The following CSRP3 variants were observed in gnomAD, a reference collection of about 807,000 sequenced individuals.
The protein encoded by CSRP3 is cysteine and glycine-rich protein 3.
A neutral mutation model predicts 24.3 loss-of-function variants in CSRP3; 24 were observed. The ratio of observed to expected loss-of-function variants is 0.99; its 90% CI spans 0.71 to 1.39. CSRP3 has a LOEUF of 1.39. CSRP3 is among the 40% of genes most tolerant of loss of function. The pLI, the probability that CSRP3 is intolerant of heterozygous loss-of-function variation, is 0.00. For missense variants in CSRP3, 240 were observed against 249.0 expected, an observed-to-expected ratio of 0.96 and a Z score of 0.24; for synonymous variants, 105 against 94.0, an observed-to-expected ratio of 1.12 and a Z score of -0.68.
intron 2 of CSRP3, among the ~76,000 whole-genome samples, chr11:19,191,805 T>C (rs929559928): frequency 6.6e-6 from 1 of 152,188 alleles, no homozygotes. Context: ...ATTTCTTTCA[T>C]GCAGTTACTG....
chr11:19,201,047 G>A (rs1040653561), intron 1 of CSRP3, among the ~76,000 whole-genome samples: 6 of 152,084 alleles, frequency 3.9e-5, no homozygotes, highest in Admixed American at 1.3e-4. Flanking sequence ...AATTAGAGTC[G>A]GCAGCTTGGA....
rs747850845 is a variant in CSRP3 at position 19,197,501 on chromosome 11, CTCTTTCTTTCTTTCTTTCTTTCTTTCTT to C, written c.-29+4425_-29+4452del. On this transcript the variant is annotated intron_variant, in intron 1 of 5. Transcript: ENST00000265968. ...TCCATCTCTTTCTCTCCCTCTTTTC[CTCTTTCTTTCTTTCTTTCTTTCTTTCTT>C]TCTTTCTTTCTTTCTTTCTTTCTTT... Among the ~76,000 whole-genome samples the C allele has an allele frequency of 3.0e-3, 199 of 67,128 alleles. 1 individual carries two copies. Among genetic ancestry groups the C allele is most frequent in the Non-Finnish European group, 4.9e-3 (159 of 32,706 alleles). 44.0% of individuals were successfully genotyped at this position (67,128 alleles called of 152,430 possible).
At chr11:19,182,784 T>C in intron 5 of CSRP3, 38 bp from the exon 6 acceptor site, 1 of 1,428,410 alleles carries the variant, frequency 7.0e-7, no homozygotes, top group East Asian at 2.3e-5. Context: ...AGACAATGCA[T>C]TGGTTAGTGC....
chr11:19,194,391 C>G (rs1021132266), intron 1 of CSRP3, among the ~76,000 whole-genome samples: 1 of 152,094 alleles, frequency 6.6e-6, no homozygotes, highest in African/African-American at 2.4e-5. Flanking sequence ...AAAAAGGAAA[C>G]ATTGGGCTGG....
chr11:19,184,355 T>TCTCCA (rs989863185), intron 5 of CSRP3, among the ~76,000 whole-genome samples: 2 of 152,078 alleles, frequency 1.3e-5, no homozygotes, highest in African/African-American at 4.8e-5. Flanking sequence ...CTCTACTATT[T>TCTCCA]CTCCACAAGA....
intron 3 of CSRP3, among the ~76,000 whole-genome samples, chr11:19,187,121 A>C (rs1850539740): frequency 6.6e-6 from 1 of 152,194 alleles, no homozygotes; most frequent in African/African-American, 2.4e-5. Flanking sequence ...CATCACTAGG[A>C]AGCCCTAATG....
intron 3 of CSRP3, among the ~76,000 whole-genome samples, chr11:19,187,878 C>G (rs1039091952): frequency 1.3e-5 from 2 of 152,186 alleles, no homozygotes; most frequent in Non-Finnish European, 2.9e-5. Flanking sequence ...ATCTGTACAT[C>G]CTGGGTTTTC....
intron 2 of CSRP3, 151 bp from the exon 3 acceptor site, chr11:19,188,455 G>C: frequency 1.3e-6 from 1 of 759,486 alleles, no homozygotes; most frequent in Non-Finnish European, 2.2e-6. Flanking sequence ...TATCTGCCCT[G>C]AGTTGTGCAC....
intron 2 of CSRP3, among the ~76,000 whole-genome samples, chr11:19,191,213 C>T (rs1050268395): frequency 7.2e-5 from 11 of 152,204 alleles, no homozygotes; most frequent in African/African-American, 2.7e-4. Context: ...GACTCAAACC[C>T]GAATCCCTTT....
intron 1 of CSRP3, among the ~76,000 whole-genome samples, chr11:19,200,807 T>C (rs1173061867): frequency 6.6e-6 from 1 of 152,208 alleles, no homozygotes; most frequent in African/African-American, 2.4e-5. Flanking sequence ...TAATCCCAGA[T>C]GTAAACTGAG....
At chr11:19,197,529 T>TTCTTTCTC (rs1850753856) in intron 1 of CSRP3, among the ~76,000 whole-genome samples, 2 of 131,222 alleles carry the variant, frequency 1.5e-5, no homozygotes, top group Non-Finnish European at 3.2e-5. Context: ...CTTTCTTTCT[T>TTCTTTCTC]TCTTTCTTTC....
At chr11:19,194,644 C>T (rs1363025137) in intron 1 of CSRP3, among the ~76,000 whole-genome samples, 2 of 152,186 alleles carry the variant, frequency 1.3e-5, no homozygotes, top group Non-Finnish European at 2.9e-5. Flanking sequence ...GATCACACCA[C>T]TCTACTTCAG....
At chr11:19,193,518 A>T (rs1020311658) in intron 1 of CSRP3, among the ~76,000 whole-genome samples, 1 of 152,348 alleles carries the variant, frequency 6.6e-6, no homozygotes, top group African/African-American at 2.4e-5. Flanking sequence ...ATTTAAAAAA[A>T]TAATTGTCCT....
rs1420013924 is a variant in CSRP3, at chr11:19,197,549, TTCTTTCTTTCTTTC to T, written c.-29+4391_-29+4404del. Reference sequence around the variant, plus strand: ...TTTCTTTCTTTCTTTCTTTCTTTCTTTCTTTCTTTCTTTCTTTCTTTCTTTCTTCTTTCACTACC... The same window carrying T: ...TTTCTTTCTTTCTTTCTTTCTTTCTTTTTCTTTCTTTCTTCTTTCACTACC... On this transcript the variant is annotated intron_variant, in intron 1 of 5. Transcript: ENST00000265968. 1.7e-3 allele frequency among the ~76,000 whole-genome samples: 245 copies of T among 140,848 alleles called. 1 individual carries two copies. Among genetic ancestry groups the T allele is most frequent in the African/African-American group, 6.4e-3 (235 of 36,736 alleles). 92.4% of individuals were successfully genotyped at this position (140,848 alleles called of 152,430 possible).
At position 19,184,878 on chromosome 11, in the gene CSRP3, C is replaced by A; in HGVS notation, c.508+74G>T. 2.7e-6 allele frequency: 3 copies of A among 1,120,154 alleles called. No homozygotes were observed. In the South Asian group the frequency reaches 3.8e-5, roughly 14 times the overall value. The allele number at this position is 1,120,154 out of a possible 1,614,324, so 69.4% of individuals were successfully genotyped here. On this transcript the variant is annotated intron_variant, in intron 5 of 5. Coordinates refer to ENST00000265968, the MANE Select transcript of CSRP3 (RefSeq NM_003476.5). ...TGGAAGACACGGGAAGACCTCCAGG[C>A]ATGAACGTAATTTCCTCTCCCAAGG... is the stretch of plus-strand genomic sequence containing the variant.
At position 19,188,343 on chromosome 11, in the gene CSRP3, A is replaced by G. The variant is rs367850115; in HGVS notation, c.113-39T>C. Reference sequence around the variant, plus strand: ...GAAGGGTCATGGGATTGGAATTGAAATCCTTCTCCCCTTCTTTGCACTCCC... The same window carrying G: ...GAAGGGTCATGGGATTGGAATTGAAGTCCTTCTCCCCTTCTTTGCACTCCC... On this transcript the variant is annotated intron_variant, in intron 2 of 5. Transcript: ENST00000265968. 764 of 1,608,314 alleles carry G rather than the reference A, an allele frequency of 4.8e-4. 3 individuals are homozygous for G. The African/African-American group carries it at 8.9e-3, about 19-fold the overall frequency.
chr11:19,183,452 C>A (rs1565049686), intron 5 of CSRP3, among the ~76,000 whole-genome samples: 1 of 152,062 alleles, frequency 6.6e-6, no homozygotes, highest in Non-Finnish European at 1.5e-5. Flanking sequence ...TCCTGGAATG[C>A]CCCCTCCCAA....
At chr11:19,187,507 G>T (rs568061210) in intron 3 of CSRP3, among the ~76,000 whole-genome samples, 2 of 152,326 alleles carry the variant, frequency 1.3e-5, no homozygotes, top group East Asian at 3.9e-4. Flanking sequence ...GGTCAATGTG[G>T]TTATCAAGAA....
intron 1 of CSRP3, among the ~76,000 whole-genome samples, chr11:19,196,353 T>C (rs1435816399): frequency 2.0e-5 from 3 of 152,220 alleles, no homozygotes; most frequent in African/African-American, 7.2e-5. Flanking sequence ...AAAATGTTGA[T>C]AATAGTATCT....
Sources: allele counts gnomAD v4.1 joint callset (sites outside exome capture counted in the v4.1 genomes callset), GRCh38; gene constraint gnomAD v4.1.1; transcripts MANE v1.5; gene names NCBI Gene and HGNC (gene_info 2026-07-23, HGNC 2026-07-21).